PRKG2: variants seen among roughly 807,000 people sequenced by gnomAD.
The protein encoded by PRKG2 is cGMP-dependent protein kinase 2.
In PRKG2, 33 loss-of-function variants were observed where a neutral mutation model predicts 97.2. The ratio of observed to expected loss-of-function variants is 0.34; its 90% CI spans 0.26 to 0.45. PRKG2 has a LOEUF of 0.45. Among genes scored for constraint, PRKG2 ranks in the 20% least tolerant of loss-of-function variants. The pLI is 1.00. For missense variants in PRKG2, 638 were observed against 900.0 expected (o/e 0.71, Z 3.73); for synonymous variants, 330 against 321.8 (o/e 1.03, Z -0.27).
At chr4:81,149,222 C>T (rs1412735577) in intron 8 of PRKG2, among the ~76,000 whole-genome samples, 1 of 152,128 alleles carries the variant, frequency 6.6e-6, no homozygotes, top group African/African-American at 2.4e-5. Context: ...TTTATGGAAT[C>T]TCATTCTGAG....
chr4:81,154,878 T>A (rs1469978857), intron 6 of PRKG2, among the ~76,000 whole-genome samples: 1 of 151,844 alleles, frequency 6.6e-6, no homozygotes, highest in Non-Finnish European at 1.5e-5. Flanking sequence ...TGAAAAAAAT[T>A]TAGAAGAATG....
chr4:81,185,881 A>T (rs763222823), intron 2 of PRKG2, among the ~76,000 whole-genome samples: 11 of 152,252 alleles, frequency 7.2e-5, no homozygotes, highest in South Asian at 6.2e-4. Flanking sequence ...AAAGAAGAGC[A>T]TTACATAATG....
intron 13 of PRKG2, among the ~76,000 whole-genome samples, chr4:81,135,890 T>C (rs951694332): frequency 6.6e-6 from 1 of 152,048 alleles, no homozygotes; most frequent in Admixed American, 6.6e-5. Flanking sequence ...AACATGGCTT[T>C]GGAGTGACAG....
intron 3 of PRKG2, among the ~76,000 whole-genome samples, chr4:81,172,912 A>G (rs1488237399): frequency 6.6e-6 from 1 of 152,108 alleles, no homozygotes; most frequent in Non-Finnish European, 1.5e-5. Context: ...TTATACTAGC[A>G]AGGAAAAAAA....
chr4:81,206,201 C>A (rs1282173274), intron 1 of PRKG2, among the ~76,000 whole-genome samples: 1 of 152,142 alleles, frequency 6.6e-6, no homozygotes, highest in Non-Finnish European at 1.5e-5. Context: ...TGTTTTAAGG[C>A]TTTTTAGACT....
intron 14 of PRKG2, among the ~76,000 whole-genome samples, chr4:81,133,818 T>C (rs577552748): frequency 6.6e-6 from 1 of 152,144 alleles, no homozygotes; most frequent in South Asian, 2.1e-4. Context: ...AAAAAGCATC[T>C]CTATGCCTAT....
intron 1 of PRKG2, among the ~76,000 whole-genome samples, chr4:81,209,222 A>G (rs992829340): frequency 6.6e-6 from 1 of 152,244 alleles, no homozygotes; most frequent in African/African-American, 2.4e-5. Context: ...CAGGCGGATT[A>G]ACACCTGGCA....
intron 4 of PRKG2, 56 bp from the exon 5 acceptor site, chr4:81,169,824 C>A (rs1277249841): frequency 2.7e-6 from 3 of 1,129,480 alleles, no homozygotes; most frequent in Admixed American, 2.4e-5. Flanking sequence ...TGAAAACATT[C>A]CAAAATATAA....
chr4:81,124,623 A>G (rs1473929134), intron 14 of PRKG2, among the ~76,000 whole-genome samples: 1 of 152,142 alleles, frequency 6.6e-6, no homozygotes, highest in Non-Finnish European at 1.5e-5. Context: ...AAGGCACCCA[A>G]CTAACAGCCA....
chr4:81,117,793 C>G (rs921749815), intron 14 of PRKG2, among the ~76,000 whole-genome samples: 3 of 148,552 alleles, frequency 2.0e-5, no homozygotes, highest in Admixed American at 1.3e-4. Context: ...ACATCCCTCG[C>G]CAGAGAGAAG....
chr4:81,097,183 T>C (rs1742203742), intron 17 of PRKG2, among the ~76,000 whole-genome samples: 1 of 152,152 alleles, frequency 6.6e-6, no homozygotes, highest in African/African-American at 2.4e-5. Context: ...TAAAAATAAA[T>C]ACTCCTTGGT....
upstream of PRKG2, among the ~76,000 whole-genome samples, chr4:81,217,019 TG>T: frequency 7.6e-6 from 1 of 130,824 alleles, no homozygotes; most frequent in Non-Finnish European, 1.6e-5. Flanking sequence ...ATAGTGTGTG[TG>T]TATATATTTT....
chr4:81,165,625 C>T (rs73832623), intron 6 of PRKG2, among the ~76,000 whole-genome samples: 6,931 of 152,180 alleles, frequency 0.046, 536 homozygotes, highest in African/African-American at 0.16. Context: ...CATTTGTTTG[C>T]CAGGTATGAA....
At chr4:81,155,129 G>A (rs1358809911) in intron 6 of PRKG2, among the ~76,000 whole-genome samples, 1 of 134,256 alleles carries the variant, frequency 7.4e-6, no homozygotes, top group Non-Finnish European at 1.5e-5. Context: ...AGTGAGCCGA[G>A]ATCCCGCCAC....
intron 17 of PRKG2, among the ~76,000 whole-genome samples, chr4:81,101,165 T>C (rs1382803427): frequency 6.6e-6 from 1 of 151,818 alleles, no homozygotes; most frequent in East Asian, 1.9e-4. Context: ...TGGTGATTCC[T>C]CAGGGATCTA....
rs549583920 is a variant in PRKG2, at chr4:81,153,010, T to A, written c.990+634A>T. Among the ~76,000 whole-genome samples, 25 of 152,354 alleles carry A rather than the reference T, an allele frequency of 1.6e-4. No homozygotes were observed. The South Asian group carries it at 4.8e-3, about 29-fold the overall frequency. Reference sequence around the variant, plus strand: ...CACACAGGTGCTCAAGAATTGGCCCTTCCCTTCAATATTTCACAAATGCTT... The same window carrying A: ...CACACAGGTGCTCAAGAATTGGCCCATCCCTTCAATATTTCACAAATGCTT... On this transcript the variant is annotated intron_variant, in intron 7 of 18. Coordinates refer to ENST00000264399, the MANE Select transcript of PRKG2 (RefSeq NM_006259.3).
intron 2 of PRKG2, among the ~76,000 whole-genome samples, chr4:81,198,113 C>G (rs1281670420): frequency 6.6e-6 from 1 of 152,206 alleles, no homozygotes; most frequent in Non-Finnish European, 1.5e-5. Context: ...AAACAATTAG[C>G]CTTCAAATCC....
Position 81,115,431 on chromosome 4 carries a change from T to C in PRKG2, c.1777-4820A>G, listed in dbSNP as rs149980904. ...TGTTCTCCTTGTTTATCTTCAGAAA[T>C]GTGTTGTCTATTTTTGGCCCTTGGT... On this transcript the variant is annotated intron_variant, in intron 14 of 18. Transcript: ENST00000264399. Among the ~76,000 whole-genome samples the C allele has an allele frequency of 4.1e-3, 621 of 152,310 alleles. 6 individuals are homozygous for C. Among genetic ancestry groups the C allele is most frequent in the African/African-American group, 0.014 (588 of 41,560 alleles).
chr4:81,197,642 A>T (rs1310700868), intron 2 of PRKG2, among the ~76,000 whole-genome samples: 2 of 152,206 alleles, frequency 1.3e-5, no homozygotes, highest in Middle Eastern at 3.2e-3. Context: ...TAACTGTGAA[A>T]ATAAGTGAGA....
Sources: allele counts gnomAD v4.1 joint callset (sites outside exome capture counted in the v4.1 genomes callset), GRCh38; gene constraint gnomAD v4.1.1; transcripts MANE v1.5; gene names NCBI Gene and HGNC (gene_info 2026-07-23, HGNC 2026-07-21).